The following ORC4 variants were observed in gnomAD, a reference collection of about 807,000 sequenced individuals.
ORC4 encodes origin recognition complex, subunit 4 homolog.
Under a neutral mutation model 63.9 loss-of-function variants are expected in ORC4, and 55 were observed. The ratio of observed to expected loss-of-function variants is 0.86; its 90% CI spans 0.69 to 1.08. The LOEUF (loss-of-function observed/expected upper bound fraction) is 1.08, where lower values mean the gene tolerates loss of function less well. ORC4 is among the 50% of genes least tolerant of loss of function. ORC4 has a pLI of 0.00. For synonymous variants in ORC4, 150 were observed against 168.5 expected (o/e 0.89, Z 0.85); for missense variants, 511 against 504.4 (o/e 1.01, Z -0.13).
intron 11 of ORC4, 27 bp downstream of exon 11, chr2:147,939,113 A>G (rs370311354): frequency 8.0e-5 from 109 of 1,367,766 alleles, no homozygotes; most frequent in Non-Finnish European, 7.8e-5. Context: ...AAAAACCACA[A>G]TTTAAAAAAT....
intron 1 of ORC4, among the ~76,000 whole-genome samples, chr2:147,997,538 AG>A (rs1692043469): frequency 6.6e-6 from 1 of 152,194 alleles, no homozygotes; most frequent in Non-Finnish European, 1.5e-5. Context: ...TGCAATATAA[AG>A]CAAACAAACA....
At chr2:147,946,586 G>T (rs1036424686) in intron 9 of ORC4, among the ~76,000 whole-genome samples, 1 of 152,010 alleles carries the variant, frequency 6.6e-6, no homozygotes, top group Non-Finnish European at 1.5e-5. Context: ...CACTTGGTCA[G>T]GTAATTGAAA....
chr2:147,986,827 A>G (rs1270742241), intron 1 of ORC4, among the ~76,000 whole-genome samples: 1 of 146,132 alleles, frequency 6.8e-6, no homozygotes, highest in Non-Finnish European at 1.5e-5. Flanking sequence ...GTGACCTTTG[A>G]ATCCACTAAA....
chr2:147,980,044 C>G (rs116743801), intron 1 of ORC4, among the ~76,000 whole-genome samples: 518 of 152,114 alleles, frequency 3.4e-3, no homozygotes, highest in East Asian at 8.1e-3. Flanking sequence ...AAAGCAGAAG[C>G]AAGAATAATG....
At chr2:147,948,249 T>C (rs1482243379) in intron 8 of ORC4, 25 bp from the exon 9 acceptor site, 32 of 1,522,006 alleles carry the variant, frequency 2.1e-5, no homozygotes, top group Non-Finnish European at 2.9e-5. Context: ...GAAATCTCTA[T>C]AAGGAAGATG....
Position 147,933,382 on chromosome 2 carries a change from G to A in ORC4, c.*2128C>T, listed in dbSNP as rs1687873614. On this transcript the variant is annotated 3_prime_UTR_variant, in exon 14 of 14. Transcript: ENST00000392857. ...GGGAATATGGAAAGGCCAACAAGCA[G>A]CACTGTTCCTCCCCACAAAAATGCC... 6.6e-6 allele frequency: 1 copy of A among 152,058 alleles called. No individual in the cohort carries two copies. The highest frequency in any genetic ancestry group is 6.6e-5 in the Admixed American group (1 of 15,228). The allele number at this position is 152,058 out of a possible 1,614,324, so 9.4% of individuals were successfully genotyped here.
intron 1 of ORC4, among the ~76,000 whole-genome samples, chr2:147,984,236 C>T (rs1469843144): frequency 6.6e-6 from 1 of 152,150 alleles, no homozygotes; most frequent in African/African-American, 2.4e-5. Context: ...ACAAGATCAA[C>T]CCCTCCTCTT....
chr2:147,949,005 T>G lies in ORC4; in HGVS notation c.589-781A>C, dbSNP rs17225548. 9.7e-4 allele frequency among the ~76,000 whole-genome samples: 144 copies of G among 147,906 alleles called. 1 individual carries two copies. Among genetic ancestry groups the G allele is most frequent in the Non-Finnish European group, 1.0e-3 (67 of 67,128 alleles). ...ATATTATAGTACACAGCATATTATA[T>G]ATAATATATATAATTTATATTATAT... On this transcript the variant is annotated intron_variant, in intron 8 of 13. Transcript: ENST00000392857.
intron 5 of ORC4, 32 bp downstream of exon 5, chr2:147,958,758 TA>T (rs1226775999): frequency 9.5e-7 from 1 of 1,056,592 alleles, no homozygotes; most frequent in East Asian, 2.4e-5. Flanking sequence ...AAAGTTTACA[TA>T]ATCTCCAATG....
At chr2:148,006,510 C>G (rs1359885893) in intron 1 of ORC4, among the ~76,000 whole-genome samples, 3 of 152,152 alleles carry the variant, frequency 2.0e-5, no homozygotes, top group African/African-American at 7.2e-5. Context: ...GCACCCCTCC[C>G]CAACTACTTC....
intron 1 of ORC4, among the ~76,000 whole-genome samples, chr2:147,990,131 C>G (rs577380745): frequency 6.6e-6 from 1 of 152,268 alleles, no homozygotes; most frequent in South Asian, 2.1e-4. Flanking sequence ...TACTGTTTAC[C>G]TAGGACCTAA....
rs1447505926 is a variant in ORC4, at chr2:147,931,720, A to G, written c.*3790T>C. The G allele has an allele frequency of 6.6e-6, 1 of 152,126 alleles. No homozygotes were observed. Among genetic ancestry groups the G allele is most frequent in the African/African-American group, 2.4e-5 (1 of 41,420 alleles). The allele number at this position is 152,126 out of a possible 1,614,324, so 9.4% of individuals were successfully genotyped here. On this transcript the variant is annotated 3_prime_UTR_variant, in exon 14 of 14. Transcript: ENST00000392857. ...AAGACAAAAAACACATGATTATCTCAATAGATGCAGAAAAAGCCTTTGACA... is the reference window on the plus strand; with the variant it reads ...AAGACAAAAAACACATGATTATCTCGATAGATGCAGAAAAAGCCTTTGACA...
chr2:147,968,210 T>A (rs1690008625), intron 4 of ORC4, among the ~76,000 whole-genome samples: 1 of 151,878 alleles, frequency 6.6e-6, no homozygotes, highest in Non-Finnish European at 1.5e-5. Flanking sequence ...AACATAGGGG[T>A]AATACTTCAG....
At chr2:147,943,402 A>G (rs776486348) in intron 10 of ORC4, 34 bp downstream of exon 10, 3 of 1,393,164 alleles carry the variant, frequency 2.2e-6, no homozygotes, top group Non-Finnish European at 3.1e-6. Context: ...AACAAAAACA[A>G]AGCAACAAGC....
At position 147,977,547 on chromosome 2, in the gene ORC4, G is replaced by C. The variant is rs1690633444; in HGVS notation, c.-17-1572C>G. Among the ~76,000 whole-genome samples the C allele has an allele frequency of 3.9e-5, 6 of 152,200 alleles. No individual in the cohort carries two copies. The South Asian group carries it at 1.2e-3, about 32-fold the overall frequency. ...TCAGGCAGGCGTCTGTGAAACCCCA[G>C]TGGGGCCCAAGACCTGGAAAAGTCA... On this transcript the variant is annotated intron_variant, in intron 1 of 13. Coordinates refer to ENST00000392857, the MANE Select transcript of ORC4 (RefSeq NM_181741.4).
chr2:148,004,067 G>A (rs567050247), intron 1 of ORC4, among the ~76,000 whole-genome samples: 62 of 152,084 alleles, frequency 4.1e-4, no homozygotes, highest in African/African-American at 1.3e-3. Flanking sequence ...GTGAAGGACC[G>A]CTTCAAGGAG....
intron 1 of ORC4, 36 bp from the exon 2 acceptor site, chr2:147,976,011 T>A: frequency 1.0e-6 from 1 of 995,466 alleles, no homozygotes; most frequent in Admixed American, 1.7e-5. Flanking sequence ...ATAAACGTAG[T>A]GACTTAAAGA....
Position 147,932,967 on chromosome 2 carries a change from G to A in ORC4, c.*2543C>T, listed in dbSNP as rs1025605874. Reference sequence around the variant, plus strand: ...ACGTTTTCAACATATACAGCATTATGATACAGTAAGTTTGGACCAAACAGG... The same window carrying A: ...ACGTTTTCAACATATACAGCATTATAATACAGTAAGTTTGGACCAAACAGG... On this transcript the variant is annotated 3_prime_UTR_variant, in exon 14 of 14. Coordinates refer to ENST00000392857, the MANE Select transcript of ORC4 (RefSeq NM_181741.4). 1 of 152,072 alleles carries A rather than the reference G, an allele frequency of 6.6e-6. No homozygotes were observed. Among genetic ancestry groups the A allele is most frequent in the Non-Finnish European group, 1.5e-5 (1 of 68,008 alleles). 9.4% of individuals were successfully genotyped at this position (152,072 alleles called of 1,614,324 possible). A position where few individuals can be genotyped will look rare whatever the true frequency, so the allele number is the denominator to read the frequency against.
intron 1 of ORC4, among the ~76,000 whole-genome samples, chr2:148,000,085 G>GA (rs199929365): frequency 2.0e-3 from 299 of 150,546 alleles, no homozygotes; most frequent in African/African-American, 6.9e-3. Flanking sequence ...AAAAATGACA[G>GA]AAAAAAAATA....
Sources: gnomAD v4.1 joint callset for allele counts (sites outside exome capture counted in the v4.1 genomes callset) on GRCh38, gnomAD v4.1.1 for gene constraint, MANE v1.5 for transcripts, NCBI Gene and HGNC (gene_info 2026-07-23, HGNC 2026-07-21) for gene names.